XCR1: variants seen among roughly 807,000 people sequenced by gnomAD.
XCR1 encodes chemokine XC receptor 1.
For missense variants in XCR1, 356 were observed against 424.2 expected (o/e 0.84, Z 1.41); for synonymous variants, 187 against 188.5 (o/e 0.99, Z 0.06).
intron 3 of XCR1, among the ~76,000 whole-genome samples, chr3:46,072,898 G>A (rs1698186876): frequency 6.6e-6 from 1 of 152,120 alleles, no homozygotes; most frequent in Non-Finnish European, 1.5e-5. Context: ...AACCAAAACA[G>A]CATGGTACTA....
chr3:46,026,981 A>G (rs35159820), intron 1 of XCR1, among the ~76,000 whole-genome samples: 30,160 of 151,610 alleles, frequency 0.2, 4,404 homozygotes, highest in African/African-American at 0.4. Context: ...CCTGAGCTCA[A>G]GTGATCCCCT....
chr3:46,040,151 G>A (rs1231379833), intron 5 of XCR1, among the ~76,000 whole-genome samples: 2 of 152,050 alleles, frequency 1.3e-5, no homozygotes, highest in East Asian at 1.9e-4. Context: ...ATAAAGGAAG[G>A]GAGACAGGTT....
At chr3:46,043,755 C>T (rs1353485266) in intron 5 of XCR1, among the ~76,000 whole-genome samples, 2 of 138,180 alleles carry the variant, frequency 1.4e-5, no homozygotes, top group African/African-American at 5.8e-5. Context: ...CACACACACA[C>T]ACACACAAGA....
intron 1 of XCR1, among the ~76,000 whole-genome samples, chr3:46,077,437 G>T (rs927729448): frequency 1.3e-5 from 2 of 151,814 alleles, no homozygotes; most frequent in Non-Finnish European, 2.9e-5. Flanking sequence ...GGACCATCTA[G>T]TTGCAGGAAA....
At chr3:46,081,922 T>C (rs899165771) in intron 1 of XCR1, among the ~76,000 whole-genome samples, 3 of 152,146 alleles carry the variant, frequency 2.0e-5, no homozygotes, top group African/African-American at 7.2e-5. Flanking sequence ...GTACCCAATG[T>C]TTAGCTCCCA....
At chr3:46,075,279 A>G (rs2088694) in intron 2 of XCR1, among the ~76,000 whole-genome samples, 128,578 of 134,754 alleles carry the variant, frequency 0.95, 61,411 homozygotes, top group East Asian at 1. Flanking sequence ...TTCAACAAAT[A>G]GTGCTAGAGC....
chr3:46,077,220 AG>A (rs1284890076), intron 1 of XCR1, among the ~76,000 whole-genome samples: 1 of 152,196 alleles, frequency 6.6e-6, no homozygotes, highest in Non-Finnish European at 1.5e-5. Flanking sequence ...AGCAGTGGGC[AG>A]GCAAGTGAGC....
chr3:46,037,860 G>T (rs1267294000), intron 5 of XCR1, among the ~76,000 whole-genome samples: 1 of 152,090 alleles, frequency 6.6e-6, no homozygotes, highest in Non-Finnish European at 1.5e-5. Flanking sequence ...TTGCTTCACA[G>T]TATATTTGCT....
intron 1 of XCR1, among the ~76,000 whole-genome samples, chr3:46,084,758 T>A (rs1698440997): frequency 1.3e-5 from 2 of 152,060 alleles, no homozygotes; most frequent in Admixed American, 1.3e-4. Flanking sequence ...CACAAAGACA[T>A]AAAGACGGAA....
chr3:46,067,789 A>G (rs755474604), intron 3 of XCR1, among the ~76,000 whole-genome samples: 1 of 152,160 alleles, frequency 6.6e-6, no homozygotes. Flanking sequence ...AGGGGTGAGA[A>G]CAGGGAGAGA....
At chr3:46,032,753 G>A (rs1214696151) in intron 5 of XCR1, among the ~76,000 whole-genome samples, 1 of 152,188 alleles carries the variant, frequency 6.6e-6, no homozygotes, top group Non-Finnish European at 1.5e-5. Context: ...CAATGAATGA[G>A]CATTCTCATT....
At position 46,020,287 on chromosome 3, in the gene XCR1, T is replaced by C. The variant is rs1300850334; in HGVS notation, c.*659A>G. On this transcript the variant is annotated 3_prime_UTR_variant, in exon 2 of 2. Coordinates refer to ENST00000309285, the MANE Select transcript of XCR1 (RefSeq NM_001024644.2). Reference sequence around the variant, plus strand: ...CAGAAGGTAGCACTTATTAAATTCATTCCTTCAATCAAATATTTATGAGCT... The same window carrying C: ...CAGAAGGTAGCACTTATTAAATTCACTCCTTCAATCAAATATTTATGAGCT... The C allele has an allele frequency of 1.3e-5, 2 of 152,454 alleles. No homozygotes were observed. The highest frequency in any genetic ancestry group is 1.3e-4 in the Admixed American group (2 of 15,288). The allele number at this position is 152,454 out of a possible 1,614,324, so 9.4% of individuals were successfully genotyped here.
intron 1 of XCR1, among the ~76,000 whole-genome samples, chr3:46,083,587 T>C (rs531765196): frequency 1.3e-5 from 2 of 152,340 alleles, no homozygotes; most frequent in South Asian, 4.1e-4. Flanking sequence ...TTGTTGGATG[T>C]AACTTCCCAT....
At chr3:46,070,905 A>T (rs1698152935) in intron 3 of XCR1, among the ~76,000 whole-genome samples, 1 of 151,692 alleles carries the variant, frequency 6.6e-6, no homozygotes, top group Non-Finnish European at 1.5e-5. Flanking sequence ...TTGCCATTTG[A>T]TTCCTTCCTC....
intron 1 of XCR1, among the ~76,000 whole-genome samples, chr3:46,084,565 T>C (rs775132467): frequency 2.0e-5 from 3 of 152,206 alleles, no homozygotes; most frequent in African/African-American, 7.2e-5. Flanking sequence ...ATCAATGTAA[T>C]TTCTATAAAC....
rs79275616 is a variant in XCR1 at position 46,018,971 on chromosome 3, AG to A, written c.*1974del. 28,738 of 152,118 alleles carry A rather than the reference AG, an allele frequency of 0.19. 2,789 individuals carry two copies. Among genetic ancestry groups the A allele is most frequent in the East Asian group, 0.26 (1,347 of 5,164 alleles). 9.4% of individuals were successfully genotyped at this position (152,118 alleles called of 1,614,324 possible). On this transcript the variant is annotated 3_prime_UTR_variant, in exon 2 of 2. Transcript: ENST00000309285. ...AAGCTTTTCCAAATCCCCACGCCAGAGCCAAATCAGGTTCACAGATTGGGCC... is the reference window on the plus strand; with the variant it reads ...AAGCTTTTCCAAATCCCCACGCCAGACCAAATCAGGTTCACAGATTGGGCC...
At chr3:46,066,427 T>C (rs1448930316) in intron 4 of XCR1, among the ~76,000 whole-genome samples, 1 of 152,176 alleles carries the variant, frequency 6.6e-6, no homozygotes, top group African/African-American at 2.4e-5. Flanking sequence ...ATATTTTTAG[T>C]AGAGACGGGG....
At chr3:46,064,855 G>A (rs1698033440) in intron 4 of XCR1, among the ~76,000 whole-genome samples, 1 of 152,210 alleles carries the variant, frequency 6.6e-6, no homozygotes, top group South Asian at 2.1e-4. Context: ...ACTGTGGGAG[G>A]CTGAGGTGGG....
chr3:46,056,211 C>G (rs886719073), intron 4 of XCR1, among the ~76,000 whole-genome samples: 2 of 151,862 alleles, frequency 1.3e-5, no homozygotes, highest in Admixed American at 1.3e-4. Context: ...CGTTTTTTTT[C>G]TTTTTATTTT....
Sources: allele counts gnomAD v4.1 joint callset (sites outside exome capture counted in the v4.1 genomes callset), GRCh38; gene constraint gnomAD v4.1.1; transcripts MANE v1.5; gene names NCBI Gene and HGNC (gene_info 2026-07-23, HGNC 2026-07-21).